RALGAPA2: variants seen among roughly 807,000 people sequenced by gnomAD.
The protein encoded by RALGAPA2 is ral GTPase-activating protein subunit alpha-2.
RALGAPA2 carries 139 observed loss-of-function variants against 230.4 expected under a neutral mutation model. The observed-to-expected ratio is 0.60, with a 90% CI of 0.53 to 0.69. RALGAPA2 has a LOEUF of 0.69. Among genes scored for constraint, RALGAPA2 ranks in the 30% least tolerant of loss-of-function variants. The pLI, the probability that RALGAPA2 is intolerant of heterozygous loss-of-function variation, is 0.00. For missense variants in RALGAPA2, 2,163 were observed against 2,276.0 expected, an observed-to-expected ratio of 0.95 and a Z score of 1.01; for synonymous variants, 847 against 837.8, an observed-to-expected ratio of 1.01 and a Z score of -0.19.
chr20:20,698,941 G>GA (rs1181392693), intron 1 of RALGAPA2, among the ~76,000 whole-genome samples: 1 of 152,068 alleles, frequency 6.6e-6, no homozygotes, highest in Non-Finnish European at 1.5e-5. Context: ...TATCATCAGA[G>GA]AAAAAAGACA....
Position 20,398,023 on chromosome 20 carries a change from C to T in RALGAPA2, c.5618-1289G>A, listed in dbSNP as rs1310740305. 6.6e-6 allele frequency among the ~76,000 whole-genome samples: 1 copy of T among 152,132 alleles called. No individual in the cohort carries two copies. The highest frequency in any genetic ancestry group is 1.5e-5 in the Non-Finnish European group (1 of 68,040). ...ATGGGCTAGAATGTTTTCCATGGAT[C>T]CTCGGGATGATTAATCATTTAGATT... On this transcript the variant is annotated intron_variant, in intron 38 of 39. Transcript: ENST00000202677. This position sits in a 1 kb window ranked among gnomAD's most constrained non-coding sequence, Gnocchi z 4.5.
intron 20 of RALGAPA2, among the ~76,000 whole-genome samples, chr20:20,582,825 T>C (rs2065026509): frequency 6.6e-6 from 1 of 152,226 alleles, no homozygotes; most frequent in African/African-American, 2.4e-5. Flanking sequence ...ATAACATGTA[T>C]GAGTTGGAAA....
chr20:20,448,039 C>A (rs2060903290), intron 37 of RALGAPA2, among the ~76,000 whole-genome samples: 1 of 152,338 alleles, frequency 6.6e-6, no homozygotes, highest in South Asian at 2.1e-4. Flanking sequence ...CTTTAACGTT[C>A]ATTTTTTCCA....
At position 20,560,213 on chromosome 20, in the gene RALGAPA2, G is replaced by C. The variant is rs141108684; in HGVS notation, c.3156+11245C>G. 3.8e-3 allele frequency among the ~76,000 whole-genome samples: 581 copies of C among 152,266 alleles called. 4 individuals carry two copies. The highest frequency in any genetic ancestry group is 0.013 in the African/African-American group (558 of 41,562). Reference sequence around the variant, plus strand: ...GCAAATAGGTGGCACAAGGCACTGGGTCTTGATGAAGGGACCATGCTGCAC... The same window carrying C: ...GCAAATAGGTGGCACAAGGCACTGGCTCTTGATGAAGGGACCATGCTGCAC... On this transcript the variant is annotated intron_variant, in intron 23 of 39. Transcript: ENST00000202677.
intron 38 of RALGAPA2, among the ~76,000 whole-genome samples, chr20:20,397,797 A>G (rs1292689029): frequency 6.6e-6 from 1 of 152,242 alleles, no homozygotes; most frequent in Non-Finnish European, 1.5e-5. Flanking sequence ...CTATGGAGAC[A>G]TCTTTTCCAA....
At chr20:20,696,908 T>C (rs908314260) in intron 1 of RALGAPA2, among the ~76,000 whole-genome samples, 17 of 152,176 alleles carry the variant, frequency 1.1e-4, no homozygotes, top group African/African-American at 3.9e-4. Context: ...GTTTTTTTGT[T>C]CTTGATTTTT....
chr20:20,473,296 G>C (rs1347073921), intron 36 of RALGAPA2, among the ~76,000 whole-genome samples: 3 of 152,174 alleles, frequency 2.0e-5, no homozygotes, highest in Non-Finnish European at 4.4e-5. Context: ...ATGCTTCACT[G>C]CACACTATCC....
chr20:20,506,930 T>C (rs2062552989), intron 33 of RALGAPA2, among the ~76,000 whole-genome samples: 1 of 152,186 alleles, frequency 6.6e-6, no homozygotes, highest in Non-Finnish European at 1.5e-5. Flanking sequence ...TAAACATACT[T>C]GGAAGAAGAA....
At chr20:20,570,710 C>G (rs1462011954) in intron 23 of RALGAPA2, among the ~76,000 whole-genome samples, 1 of 152,162 alleles carries the variant, frequency 6.6e-6, no homozygotes, top group African/African-American at 2.4e-5. Flanking sequence ...TTCTATCCTA[C>G]TATCACATTT....
chr20:20,560,556 C>T (rs374275995), intron 23 of RALGAPA2, among the ~76,000 whole-genome samples: 1 of 152,164 alleles, frequency 6.6e-6, no homozygotes, highest in Non-Finnish European at 1.5e-5. Context: ...ACTTTTCTCA[C>T]GGAAACAAAA....
chr20:20,706,926 A>G (rs1211763205), intron 1 of RALGAPA2, among the ~76,000 whole-genome samples: 2 of 152,162 alleles, frequency 1.3e-5, no homozygotes, highest in Non-Finnish European at 2.9e-5. Context: ...AAAAGATTCA[A>G]TGATGTCATG....
intron 27 of RALGAPA2, among the ~76,000 whole-genome samples, chr20:20,527,191 A>T (rs2063229156): frequency 6.6e-6 from 1 of 152,172 alleles, no homozygotes; most frequent in Non-Finnish European, 1.5e-5. Context: ...ACCTCACTCT[A>T]AGCCACATGA....
chr20:20,506,951 CA>C (rs983503753), intron 33 of RALGAPA2, among the ~76,000 whole-genome samples: 11 of 152,218 alleles, frequency 7.2e-5, no homozygotes, highest in African/African-American at 2.6e-4. Context: ...TTAGAAAATA[CA>C]GAAAGAAAAG....
intron 12 of RALGAPA2, among the ~76,000 whole-genome samples, chr20:20,618,553 T>TC: frequency 6.6e-6 from 1 of 152,180 alleles, no homozygotes; most frequent in South Asian, 2.1e-4. Context: ...TGCATGTCAT[T>TC]CCCAGATGTT....
Position 20,513,146 on chromosome 20 carries a change from T to A in RALGAPA2, c.4223A>T (p.Asn1408Ile). The change falls in exon 32 of 40, where the codon AAT becomes ATT. Residue 1408 changes from asparagine to isoleucine, a missense_variant. Physicochemically the swap from Asn to Ile is moderately radical, Grantham distance 149 (BLOSUM62 -3). Transcript: ENST00000202677. ...CAGCTCGGAGCCTTCCACATGGGCA[T>A]TGTCATGGTTCTCGCTGACAAGGCT... ...LHSLVSENHD[N>I]AHVEGSELSF... The A allele has an allele frequency of 6.4e-7, 1 of 1,559,990 alleles. No individual in the cohort carries two copies.
At chr20:20,465,300 G>A (rs2061396829) in intron 37 of RALGAPA2, among the ~76,000 whole-genome samples, 1 of 152,134 alleles carries the variant, frequency 6.6e-6, no homozygotes, top group Non-Finnish European at 1.5e-5. Flanking sequence ...GATAGAGGAG[G>A]TTCAGGCTGG....
intron 12 of RALGAPA2, among the ~76,000 whole-genome samples, chr20:20,617,825 T>C (rs529019655): frequency 6.6e-6 from 1 of 152,262 alleles, no homozygotes; most frequent in Non-Finnish European, 1.5e-5. Context: ...TTTTTCTTAA[T>C]AAACAAAGTA....
At chr20:20,679,807 A>G (rs6132336) in intron 2 of RALGAPA2, among the ~76,000 whole-genome samples, 2,476 of 152,290 alleles carry the variant, frequency 0.016, 93 homozygotes, top group East Asian at 0.14. Context: ...CTTCCCAAGA[A>G]CCACAGAATT....
chr20:20,481,928 G>A (rs1021609665), intron 36 of RALGAPA2, among the ~76,000 whole-genome samples: 1 of 152,030 alleles, frequency 6.6e-6, no homozygotes, highest in African/African-American at 2.4e-5. Flanking sequence ...GTTGCAAATA[G>A]TACTGTCCTA....
Sources: allele counts gnomAD v4.1 joint callset (sites outside exome capture counted in the v4.1 genomes callset), GRCh38; gene constraint gnomAD v4.1.1; non-coding constraint Gnocchi (gnomAD v3.1); transcripts MANE v1.5; gene names NCBI Gene and HGNC (gene_info 2026-07-23, HGNC 2026-07-21).